Variants in NPLOC4 observed in about 807,000 individuals in gnomAD.
The protein encoded by NPLOC4 is NPL4 homolog, ubiquitin recognition factor.
NPLOC4 carries 18 observed loss-of-function variants against 80.6 expected under a neutral mutation model. The observed-to-expected ratio is 0.22, with a 90% CI of 0.15 to 0.33. The LOEUF (loss-of-function observed/expected upper bound fraction) is 0.33. Ranked by LOEUF, NPLOC4 falls within the 10% of genes least tolerant of loss-of-function variation. The probability of loss-of-function intolerance (pLI) is 1.00; values close to 1 mark genes in which losing one functional copy is unlikely to be tolerated. For synonymous variants in NPLOC4, 313 were observed against 301.5 expected (o/e 1.04, Z -0.39); for missense variants, 540 against 786.1 (o/e 0.69, Z 3.74).
At chr17:81,594,199 C>T (rs1372352967) in intron 11 of NPLOC4, among the ~76,000 whole-genome samples, 3 of 134,308 alleles carry the variant, frequency 2.2e-5, no homozygotes, top group African/African-American at 8.3e-5. Context: ...GGCGTGAACC[C>T]GGGAGGTGGA....
At chr17:81,624,256 T>A (rs930640292) in intron 2 of NPLOC4, among the ~76,000 whole-genome samples, 1 of 151,686 alleles carries the variant, frequency 6.6e-6, no homozygotes, top group African/African-American at 2.4e-5. Flanking sequence ...CCATTTCTAC[T>A]AAAATACAAA....
chr17:81,568,246 G>A (rs1294186695), intron 14 of NPLOC4, among the ~76,000 whole-genome samples: 1 of 152,138 alleles, frequency 6.6e-6, no homozygotes, highest in Admixed American at 6.5e-5. Context: ...CTCCATCTAG[G>A]GCAGCAAGAG....
In NPLOC4 at chr17:81,559,038, T is replaced by C; in HGVS notation, c.*221A>G. 1 of 558,324 alleles carries C rather than the reference T, an allele frequency of 1.8e-6. No homozygotes were observed. The highest frequency in any genetic ancestry group is 3.2e-6 in the Non-Finnish European group (1 of 315,990). The allele number at this position is 558,324 out of a possible 1,614,324, so 34.6% of individuals were successfully genotyped here. A position where few individuals can be genotyped will look rare whatever the true frequency, so the allele number is the denominator to read the frequency against. ...GAGGAGCCGCTCTGCGTTTCCAGTC[T>C]GGAGACTGCATTCAGCCTGCAGAAT... On this transcript the variant is annotated 3_prime_UTR_variant, in exon 17 of 17. Coordinates refer to ENST00000331134, the MANE Select transcript of NPLOC4 (RefSeq NM_017921.4).
At chr17:81,592,119 C>T (rs865782759) in intron 11 of NPLOC4, among the ~76,000 whole-genome samples, 1 of 152,190 alleles carries the variant, frequency 6.6e-6, no homozygotes, top group Non-Finnish European at 1.5e-5. Flanking sequence ...AGAGGCGAGG[C>T]CTCCGCATCC....
At chr17:81,618,514 C>A (rs1280406444) in intron 3 of NPLOC4, among the ~76,000 whole-genome samples, 1 of 148,520 alleles carries the variant, frequency 6.7e-6, no homozygotes, top group African/African-American at 2.5e-5. Context: ...CCCGGCCAGC[C>A]GCCCCGTCCG....
chr17:81,598,574 C>G (rs1473365665), intron 9 of NPLOC4, among the ~76,000 whole-genome samples: 1 of 152,154 alleles, frequency 6.6e-6, no homozygotes, highest in African/African-American at 2.4e-5. Context: ...ACCTCAAGGC[C>G]GGAAGGAAGC....
intron 4 of NPLOC4, among the ~76,000 whole-genome samples, chr17:81,612,072 C>A (rs1288221397): frequency 6.6e-6 from 1 of 152,046 alleles, no homozygotes; most frequent in Non-Finnish European, 1.5e-5. Flanking sequence ...AAAATACCTA[C>A]TTCATATGCA....
At chr17:81,609,654 G>A (rs914393383) in intron 5 of NPLOC4, among the ~76,000 whole-genome samples, 1 of 152,168 alleles carries the variant, frequency 6.6e-6, no homozygotes, top group Non-Finnish European at 1.5e-5. Context: ...AGATTAAAAT[G>A]AATCTCTATT....
intron 12 of NPLOC4, among the ~76,000 whole-genome samples, chr17:81,581,375 A>AAAGAC (rs1555680405): frequency 2.7e-5 from 2 of 72,808 alleles, no homozygotes; most frequent in Non-Finnish European, 2.9e-5. Flanking sequence ...AAAAAAAAAA[A>AAAGAC]AGTTAATAAA....
chr17:81,568,758 C>T (rs2034080747), intron 14 of NPLOC4, among the ~76,000 whole-genome samples: 1 of 152,234 alleles, frequency 6.6e-6, no homozygotes, highest in Non-Finnish European at 1.5e-5. Flanking sequence ...CAAAGCAACA[C>T]ATTTGGGAAA....
At chr17:81,620,453 G>A (rs1051594364) in intron 3 of NPLOC4, among the ~76,000 whole-genome samples, 5 of 152,072 alleles carry the variant, frequency 3.3e-5, no homozygotes, top group Middle Eastern at 3.2e-3. Flanking sequence ...CTGGGATCAC[G>A]TCATTGCACT....
At chr17:81,607,794 G>GT (rs1283094294) in intron 6 of NPLOC4, among the ~76,000 whole-genome samples, 1 of 152,154 alleles carries the variant, frequency 6.6e-6, no homozygotes, top group East Asian at 1.9e-4. Context: ...TTTCTAGCAG[G>GT]TTTTTTCTTC....
At chr17:81,568,923 T>C in intron 14 of NPLOC4, 93 bp downstream of exon 14, 1 of 864,916 alleles carries the variant, frequency 1.2e-6, no homozygotes, top group Middle Eastern at 2.9e-4. Context: ...TCGGGAGCAT[T>C]TGAAAGCTTG....
intron 3 of NPLOC4, among the ~76,000 whole-genome samples, chr17:81,620,942 G>A (rs2035646307): frequency 6.6e-6 from 1 of 151,982 alleles, no homozygotes. Context: ...AGGATCACTT[G>A]AGCCCAGAAG....
chr17:81,559,908 A>AT (rs1231132079), intron 16 of NPLOC4, among the ~76,000 whole-genome samples: 3 of 150,862 alleles, frequency 2.0e-5, no homozygotes, highest in Admixed American at 6.6e-5. Context: ...AATTTTATCT[A>AT]TTTTTTGGTA....
chr17:81,557,785 C>G lies in NPLOC4; in HGVS notation c.*1474G>C, dbSNP rs1229661025. Reference sequence around the variant, plus strand: ...ACAATAGCTCTGCCGTGACCAGACCCAACCCAACTGGCCCCTGGTCCCAAG... The same window carrying G: ...ACAATAGCTCTGCCGTGACCAGACCGAACCCAACTGGCCCCTGGTCCCAAG... On this transcript the variant is annotated 3_prime_UTR_variant, in exon 17 of 17. Coordinates refer to ENST00000331134, the MANE Select transcript of NPLOC4 (RefSeq NM_017921.4). The G allele has an allele frequency of 6.6e-6, 1 of 152,312 alleles. No homozygotes were observed. The highest frequency in any genetic ancestry group is 2.4e-5 in the African/African-American group (1 of 41,458). The allele number at this position is 152,312 out of a possible 1,614,324, so 9.4% of individuals were successfully genotyped here.
At chr17:81,623,655 G>A (rs867976961) in intron 2 of NPLOC4, among the ~76,000 whole-genome samples, 34 of 151,624 alleles carry the variant, frequency 2.2e-4, no homozygotes, top group African/African-American at 2.7e-4. Flanking sequence ...AAAATTAGCC[G>A]GGCGTGGTGG....
intron 8 of NPLOC4, among the ~76,000 whole-genome samples, chr17:81,601,132 T>A (rs931762167): frequency 6.6e-6 from 1 of 152,230 alleles, no homozygotes; most frequent in Non-Finnish European, 1.5e-5. Context: ...ATCATTAATG[T>A]TCACTTAAAT....
In NPLOC4 at chr17:81,613,134, A is replaced by AAAC. The variant is rs1398784872; in HGVS notation, c.386+183_386+184insGTT. 7 of 547,950 alleles carry AAAC rather than the reference A, an allele frequency of 1.3e-5. No homozygotes were observed. In the South Asian group the frequency reaches 1.7e-4, roughly 13 times the overall value. The allele number at this position is 547,950 out of a possible 1,614,324, so 33.9% of individuals were successfully genotyped here. A position where few individuals can be genotyped will look rare whatever the true frequency, so the allele number is the denominator to read the frequency against. On this transcript the variant is annotated intron_variant, in intron 4 of 16. Transcript: ENST00000331134. Reference sequence around the variant, plus strand: ...TGGAAACTGATAAAAAGCTAAAAAAAAAAAACAAAAACCGATAAAAAGCTA... The same window carrying AAAC: ...TGGAAACTGATAAAAAGCTAAAAAAAAACAAAAACAAAAACCGATAAAAAGCTA...
Sources: allele counts gnomAD v4.1 joint callset (sites outside exome capture counted in the v4.1 genomes callset), GRCh38; gene constraint gnomAD v4.1.1; transcripts MANE v1.5; gene names NCBI Gene and HGNC (gene_info 2026-07-23, HGNC 2026-07-21).